The following CDH8 variants were observed in gnomAD, a reference collection of about 807,000 sequenced individuals.
CDH8 encodes cadherin 8.
A neutral mutation model predicts 68.1 loss-of-function variants in CDH8; 17 were observed. The observed-to-expected ratio is 0.25, with a 90% CI of 0.17 to 0.37. CDH8 has a LOEUF of 0.37. Among genes scored for constraint, CDH8 ranks in the 10% least tolerant of loss-of-function variants. The probability of loss-of-function intolerance (pLI) is 1.00; values close to 1 mark genes in which losing one functional copy is unlikely to be tolerated. For missense variants in CDH8, 763 were observed against 999.3 expected, an observed-to-expected ratio of 0.76 and a Z score of 3.19; for synonymous variants, 372 against 365.1, an observed-to-expected ratio of 1.02 and a Z score of -0.21.
intron 2 of CDH8, among the ~76,000 whole-genome samples, chr16:61,988,952 T>G (rs528627616): frequency 6.6e-6 from 1 of 152,112 alleles, no homozygotes; most frequent in Non-Finnish European, 1.5e-5. Flanking sequence ...AGGAACTGGC[T>G]TTTTTGGCAA....
rs116523135 is a variant in CDH8 at position 61,658,253 on chromosome 16, A to G, written c.1655-2532T>C. ...TACTGTTCTTGGAATAATTTTTTATATCTTAAATGTTGTAAATATCTTCTA... is the reference window on the plus strand; with the variant it reads ...TACTGTTCTTGGAATAATTTTTTATGTCTTAAATGTTGTAAATATCTTCTA... On this transcript the variant is annotated intron_variant, in intron 10 of 11. Transcript: ENST00000577390. Among the ~76,000 whole-genome samples the G allele has an allele frequency of 2.5e-3, 377 of 152,170 alleles. 2 individuals carry two copies. The highest frequency in any genetic ancestry group is 8.8e-3 in the African/African-American group (365 of 41,570).
At chr16:61,898,336 A>G (rs1196338261) in intron 3 of CDH8, among the ~76,000 whole-genome samples, 2 of 152,138 alleles carry the variant, frequency 1.3e-5, no homozygotes, top group African/African-American at 4.8e-5. Context: ...TAAGAAGGAA[A>G]AAAAAATAGA....
At position 61,921,245 on chromosome 16, in the gene CDH8, A is replaced by G. The variant is rs543668218; in HGVS notation, c.253-19772T>C. Among the ~76,000 whole-genome samples the G allele has an allele frequency of 3.4e-4, 51 of 149,792 alleles. No individual in the cohort carries two copies. In the East Asian group the frequency reaches 8.4e-3, roughly 25 times the overall value. ...AATGTGCACATGTACCTTAAAACTTAAAGTATAATAATAATAATAATAATA... is the reference window on the plus strand; with the variant it reads ...AATGTGCACATGTACCTTAAAACTTGAAGTATAATAATAATAATAATAATA... On this transcript the variant is annotated intron_variant, in intron 2 of 11. Coordinates refer to ENST00000577390, the MANE Select transcript of CDH8 (RefSeq NM_001796.5).
chr16:61,841,608 C>T (rs1235594004), intron 4 of CDH8, among the ~76,000 whole-genome samples: 1 of 151,980 alleles, frequency 6.6e-6, no homozygotes, highest in African/African-American at 2.4e-5. Context: ...TTTGATAGCA[C>T]AATAGAGTGA....
rs554131870 is a variant in CDH8, at chr16:61,732,462, T to A, written c.1415-5247A>T. ...TAAAGGAAGTGAGAAAACAGTAGGA[T>A]AACTTATTCAAAGTGTTCAATGAAA... On this transcript the variant is annotated intron_variant, in intron 8 of 11. Coordinates refer to ENST00000577390, the MANE Select transcript of CDH8 (RefSeq NM_001796.5). Among the ~76,000 whole-genome samples the A allele has an allele frequency of 8.6e-5, 13 of 151,998 alleles. No homozygotes were observed. The South Asian group carries it at 2.3e-3, about 27-fold the overall frequency.
At chr16:61,981,701 T>C in intron 2 of CDH8, among the ~76,000 whole-genome samples, 1 of 151,010 alleles carries the variant, frequency 6.6e-6, no homozygotes, top group Non-Finnish European at 1.5e-5. Context: ...CGCGTGCGCT[T>C]GGGGCAGAAA....
chr16:61,689,122 C>G (rs1964166668), intron 10 of CDH8, among the ~76,000 whole-genome samples: 1 of 151,958 alleles, frequency 6.6e-6, no homozygotes, highest in South Asian at 2.1e-4. Flanking sequence ...CCAGCTTGTT[C>G]CAAAATGAGC....
chr16:61,820,985 C>G lies in CDH8; in HGVS notation c.964G>C (p.Ala322Pro). 1.2e-6 allele frequency: 2 copies of G among 1,612,820 alleles called. No individual in the cohort carries two copies. The highest frequency in any genetic ancestry group is 1.7e-6 in the Non-Finnish European group (2 of 1,179,196). The change falls in exon 6 of 12, where the codon GCA becomes CCA. Residue 322 changes from alanine to proline, a missense_variant. By Grantham distance (27) the Ala-to-Pro change is conservative. Around this residue, in one of 2 missense-constraint regions of CDH8, gnomAD observed 366 missense variants for 563.1 expected, o/e 0.65. Transcript: ENST00000577390. ...GCATCAGAAGTGATTTCAAAAAGTG[C>G]TGTTCCATCTCCATCGATGATATCA... ...SYDIIDGDGT[A>P]LFEITSDAQA...
chr16:61,765,644 G>T (rs186566232), intron 8 of CDH8, among the ~76,000 whole-genome samples: 1 of 152,086 alleles, frequency 6.6e-6, no homozygotes, highest in Admixed American at 6.6e-5. Context: ...AGTAAGAAAA[G>T]AAATAACTTT....
chr16:61,804,386 C>A (rs1447135537), intron 7 of CDH8, among the ~76,000 whole-genome samples: 1 of 152,024 alleles, frequency 6.6e-6, no homozygotes, highest in Non-Finnish European at 1.5e-5. Flanking sequence ...AAAATTCACA[C>A]CCTAACATCA....
intron 2 of CDH8, among the ~76,000 whole-genome samples, chr16:61,968,094 C>A (rs939633356): frequency 6.6e-6 from 1 of 152,132 alleles, no homozygotes; most frequent in Non-Finnish European, 1.5e-5. Flanking sequence ...ACATAAGCAA[C>A]CGGGCTGGGC....
At chr16:61,762,388 T>G (rs1298353553) in intron 8 of CDH8, among the ~76,000 whole-genome samples, 1 of 152,192 alleles carries the variant, frequency 6.6e-6, no homozygotes, top group Non-Finnish European at 1.5e-5. Context: ...TAAAACTGCA[T>G]GCAAACATTG....
chr16:61,983,111 T>A (rs537923297), intron 2 of CDH8, among the ~76,000 whole-genome samples: 1 of 152,300 alleles, frequency 6.6e-6, no homozygotes, highest in African/African-American at 2.4e-5. Flanking sequence ...ATACTGTATA[T>A]ATACATACTA....
intron 1 of CDH8, among the ~76,000 whole-genome samples, chr16:62,031,513 G>T (rs963316529): frequency 6.6e-6 from 1 of 152,178 alleles, no homozygotes; most frequent in African/African-American, 2.4e-5. Flanking sequence ...ACCATCCATC[G>T]TTCTAGCATT....
chr16:62,034,559 G>A (rs556359901), intron 1 of CDH8, among the ~76,000 whole-genome samples: 2 of 152,098 alleles, frequency 1.3e-5, no homozygotes, highest in Non-Finnish European at 2.9e-5. Flanking sequence ...TACCGGATGC[G>A]AGAGGACAGT....
At chr16:61,823,813 C>T (rs1362707562) in intron 5 of CDH8, among the ~76,000 whole-genome samples, 3 of 151,912 alleles carry the variant, frequency 2.0e-5, no homozygotes, top group Non-Finnish European at 4.4e-5. Flanking sequence ...TTTCCCCTGG[C>T]ACTCTCTGCT....
At chr16:61,955,901 G>A (rs572396348) in intron 2 of CDH8, among the ~76,000 whole-genome samples, 8 of 152,040 alleles carry the variant, frequency 5.3e-5, no homozygotes, top group African/African-American at 1.5e-4. Context: ...CATTATCACC[G>A]TTGCCATCTG....
intron 2 of CDH8, among the ~76,000 whole-genome samples, chr16:61,937,383 G>A (rs1460292864): frequency 6.6e-6 from 1 of 152,098 alleles, no homozygotes; most frequent in South Asian, 2.1e-4. Context: ...AAAGACGCAG[G>A]TTTCTGTCAT....
chr16:61,951,535 C>T (rs1176355278), intron 2 of CDH8, among the ~76,000 whole-genome samples: 1 of 147,958 alleles, frequency 6.8e-6, no homozygotes, highest in African/African-American at 2.5e-5. Flanking sequence ...AAAAAAGATG[C>T]CATATGATCT....
Sources: allele counts gnomAD v4.1 joint callset (sites outside exome capture counted in the v4.1 genomes callset), GRCh38; gene constraint gnomAD v4.1.1; regional missense constraint gnomAD v4.1.1; transcripts MANE v1.5; gene names NCBI Gene and HGNC (gene_info 2026-07-23, HGNC 2026-07-21).